Variants in KLF12 observed in about 807,000 individuals in gnomAD.
KLF12 encodes Krueppel-like factor 12.
KLF12 carries 9 observed loss-of-function variants against 37.8 expected under a neutral mutation model. The observed-to-expected ratio is 0.24, with a 90% CI of 0.14 to 0.42. The LOEUF (loss-of-function observed/expected upper bound fraction) is 0.42, where lower values mean the gene tolerates loss of function less well. Ranked by LOEUF, KLF12 falls within the 10% of genes least tolerant of loss-of-function variation. KLF12 has a pLI of 1.00. For synonymous variants in KLF12, 208 were observed against 202.1 expected (o/e 1.03, Z -0.25); for missense variants, 411 against 516.0 (o/e 0.80, Z 1.97).
intron 2 of KLF12, among the ~76,000 whole-genome samples, chr13:73,971,475 A>T (rs1440192371): frequency 6.6e-6 from 1 of 152,094 alleles, no homozygotes; most frequent in Admixed American, 6.6e-5. Context: ...TTTCGGCTAT[A>T]TCACTCTTTT....
At chr13:74,285,940 A>ATC in the KLF12 span, among the ~76,000 whole-genome samples, 5 of 151,964 alleles carry the variant, frequency 3.3e-5, no homozygotes, top group Non-Finnish European at 7.4e-5. Flanking sequence ...CTACTCTCCT[A>ATC]TCTCTTCCTA....
At chr13:74,243,695 C>T in the KLF12 span, among the ~76,000 whole-genome samples, 4 of 152,132 alleles carry the variant, frequency 2.6e-5, no homozygotes, top group Non-Finnish European at 5.9e-5. Flanking sequence ...TTGCGTTTCT[C>T]TAATGACTAA....
intron 6 of KLF12, among the ~76,000 whole-genome samples, chr13:73,717,986 G>A (rs1277747364): frequency 6.6e-6 from 1 of 152,086 alleles, no homozygotes; most frequent in Non-Finnish European, 1.5e-5. Context: ...GTCATTCATA[G>A]TGTTGTACAA....
At chr13:74,126,410 C>A (rs184199817) in intron 1 of KLF12, among the ~76,000 whole-genome samples, 2 of 152,228 alleles carry the variant, frequency 1.3e-5, no homozygotes, top group Non-Finnish European at 2.9e-5. Flanking sequence ...TATATACAAT[C>A]TATTAGTCAT....
At chr13:74,018,267 A>G (rs1892752255) in intron 1 of KLF12, among the ~76,000 whole-genome samples, 1 of 152,198 alleles carries the variant, frequency 6.6e-6, no homozygotes, top group Admixed American at 6.5e-5. Flanking sequence ...AGTTGATTTC[A>G]TTAGAAGTAG....
At position 74,115,661 on chromosome 13, in the gene KLF12, T is replaced by C. The variant is rs992068098; in HGVS notation, c.-32+18078A>G. Among the ~76,000 whole-genome samples, 71 of 149,166 alleles carry C rather than the reference T, an allele frequency of 4.8e-4. 1 individual carries two copies. Among genetic ancestry groups the C allele is most frequent in the African/African-American group, 1.7e-3 (68 of 40,302 alleles). ...CAGAGGTTGCAGTGAGTCAAGATCA[T>C]GCCACTGTACTCCAGCCTGGGCGAC... On this transcript the variant is annotated intron_variant, in intron 1 of 7. Transcript: ENST00000377669.
chr13:73,938,937 C>T (rs1027266540), intron 3 of KLF12, among the ~76,000 whole-genome samples: 1 of 152,202 alleles, frequency 6.6e-6, no homozygotes, highest in Non-Finnish European at 1.5e-5. Flanking sequence ...AGGCATCAGG[C>T]TCGCTTCCCC....
the KLF12 span, among the ~76,000 whole-genome samples, chr13:74,190,131 A>G: frequency 6.6e-6 from 1 of 152,216 alleles, no homozygotes; most frequent in Non-Finnish European, 1.5e-5. Flanking sequence ...AGTCAAAAGT[A>G]TGTACATTAG....
chr13:74,238,379 A>G, the KLF12 span, among the ~76,000 whole-genome samples: 1 of 135,808 alleles, frequency 7.4e-6, no homozygotes, highest in Admixed American at 6.9e-5. Context: ...AATGTTCATC[A>G]AGGATATTGG....
At chr13:73,815,791 A>G (rs1254887055) in intron 4 of KLF12, among the ~76,000 whole-genome samples, 1 of 152,232 alleles carries the variant, frequency 6.6e-6, no homozygotes, top group Non-Finnish European at 1.5e-5. Context: ...TATAGTAAGT[A>G]ATACAACTCA....
the KLF12 span, among the ~76,000 whole-genome samples, chr13:74,249,848 G>A: frequency 6.6e-6 from 1 of 152,152 alleles, no homozygotes; most frequent in Non-Finnish European, 1.5e-5. Context: ...AACAGAGTCA[G>A]TGGACACTTT....
At chr13:74,158,302 A>G in the KLF12 span, among the ~76,000 whole-genome samples, 7 of 152,136 alleles carry the variant, frequency 4.6e-5, no homozygotes, top group African/African-American at 1.7e-4. Flanking sequence ...GGGGGACTTA[A>G]AGGGGGGTGT....
At chr13:74,260,821 A>T in the KLF12 span, among the ~76,000 whole-genome samples, 1 of 152,228 alleles carries the variant, frequency 6.6e-6, no homozygotes, top group East Asian at 1.9e-4. Flanking sequence ...AATAACAAAC[A>T]TACAAAGAAA....
the KLF12 span, among the ~76,000 whole-genome samples, chr13:74,246,705 C>T: frequency 1.1e-3 from 167 of 152,354 alleles, 1 homozygote; most frequent in African/African-American, 3.8e-3. Context: ...CATCAGAAAT[C>T]CAAGTCTTTG....
At chr13:74,214,207 T>C in the KLF12 span, among the ~76,000 whole-genome samples, 4 of 152,192 alleles carry the variant, frequency 2.6e-5, no homozygotes, top group Non-Finnish European at 5.9e-5. Flanking sequence ...AGTTTCCCCA[T>C]GATCAAACAA....
In KLF12 at chr13:73,764,995, T is replaced by C; in HGVS notation, c.812A>G (p.His271Arg). Residue 271 changes from histidine (H) to arginine (R), a missense_variant, in exon 6 of 8, where the codon CAT (histidine) becomes CGT (arginine). By Grantham distance (29) the His-to-Arg change is conservative (BLOSUM62 0). This residue lies in a region of KLF12 where 351 missense variants were observed against 397.8 expected (regional missense o/e 0.88). Transcript: ENST00000377669. ...CCGGACCCTTGATACTGGGGACGGA[T>C]GTACCCTGTAGACAGAGAAGAATAA... 1.3e-6 allele frequency: 2 copies of C among 1,561,958 alleles called. No homozygotes were observed. Among genetic ancestry groups the C allele is most frequent in the Non-Finnish European group, 1.8e-6 (2 of 1,136,152 alleles).
intron 6 of KLF12, among the ~76,000 whole-genome samples, chr13:73,756,817 A>C (rs1282700657): frequency 6.6e-6 from 1 of 152,138 alleles, no homozygotes; most frequent in Non-Finnish European, 1.5e-5. Context: ...AGGAGGTGAC[A>C]CAGAGGAACT....
At chr13:73,773,543 C>T (rs954315419) in intron 5 of KLF12, among the ~76,000 whole-genome samples, 1 of 151,828 alleles carries the variant, frequency 6.6e-6, no homozygotes, top group African/African-American at 2.4e-5. Context: ...TCCATATCCA[C>T]AAACAGGGAT....
intron 2 of KLF12, among the ~76,000 whole-genome samples, chr13:73,973,928 G>A (rs1205686746): frequency 2.0e-5 from 3 of 151,860 alleles, no homozygotes; most frequent in South Asian, 2.1e-4. Flanking sequence ...AAAACATACC[G>A]GAGACCAAAA....
Sources: gnomAD v4.1 joint callset for allele counts (sites outside exome capture counted in the v4.1 genomes callset) on GRCh38, gnomAD v4.1.1 for gene constraint, gnomAD v4.1.1 regional missense constraint, MANE v1.5 for transcripts, NCBI Gene and HGNC (gene_info 2026-07-23, HGNC 2026-07-21) for gene names.